Variants in AHNAK observed in about 807,000 individuals in gnomAD.
The protein encoded by AHNAK is neuroblast differentiation-associated protein AHNAK.
AHNAK carries 23 observed loss-of-function variants against 37.8 expected under a neutral mutation model. The observed-to-expected ratio is 0.61, with a 90% confidence interval of 0.44 to 0.86. The LOEUF is 0.86. Among genes scored for constraint, AHNAK ranks in the 40% least tolerant of loss-of-function variants. The pLI, the probability that AHNAK is intolerant of heterozygous loss-of-function variation, is 0.00. For synonymous variants in AHNAK, 2,481 were observed against 2,636.3 expected (o/e 0.94, Z 1.80); for missense variants, 7,411 against 7,319.4 (o/e 1.01, Z -0.46).
At position 62,521,231 on chromosome 11, in the gene AHNAK, C is replaced by T. The variant is rs749512459; in HGVS notation, c.13186G>A (p.Gly4396Ser). Reference sequence around the variant, plus strand: ...TCCACATCACCTTTCACTTTGGGACCCTTCAAGTTAAAGTCAATGTCAGGC... The same window carrying T: ...TCCACATCACCTTTCACTTTGGGACTCTTCAAGTTAAAGTCAATGTCAGGC... Reference protein sequence around the residue: ...SMPDIDFNLKGPKVKGDVDVS... With the variant: ...SMPDIDFNLKSPKVKGDVDVS... The change falls in exon 5 of 5, where the codon GGT becomes AGT. Residue 4396 changes from glycine (G) to serine (S), a missense_variant. Coordinates refer to ENST00000378024, the MANE Select transcript of AHNAK (RefSeq NM_001620.3). The T allele has an allele frequency of 1.4e-5, 22 of 1,613,980 alleles. No homozygotes were observed. In the East Asian group the frequency reaches 4.7e-4, roughly 34 times the overall value.
chr11:62,541,303 C>T (rs889381564), intron 1 of AHNAK, among the ~76,000 whole-genome samples: 7 of 152,200 alleles, frequency 4.6e-5, no homozygotes, highest in East Asian at 1.9e-4. Context: ...TCACCCCATC[C>T]GTGGTAGGGA....
Position 62,527,175 on chromosome 11 carries a change from G to T in AHNAK, c.7242C>A (p.Asp2414Glu). 1 of 1,611,174 alleles carries T rather than the reference G, an allele frequency of 6.2e-7. No individual in the cohort carries two copies. Among genetic ancestry groups the T allele is most frequent in the Non-Finnish European group, 8.5e-7 (1 of 1,178,860 alleles). Residue 2414 changes from aspartate to glutamate, a missense_variant, in exon 5 of 5, where the codon GAC becomes GAA. Transcript: ENST00000378024. ...TGACATCCACATGTGGCCCTTTAAGGTCCCCTTCCAATTTGGGAACATCTA... is the reference window on the plus strand; with the variant it reads ...TGACATCCACATGTGGCCCTTTAAGTTCCCCTTCCAATTTGGGAACATCTA... ...VDVDVPKLEG[D>E]LKGPHVDVSG...
rs201303995 is a variant in AHNAK, at chr11:62,532,471, T to G, written c.1946A>C (p.His649Pro). 1.1e-5 allele frequency: 18 copies of G among 1,614,156 alleles called. No homozygotes were observed. The South Asian group carries it at 1.8e-4, about 16-fold the overall frequency. The change falls in exon 5 of 5, where the codon CAT becomes CCT. Residue 649 changes from histidine (H) to proline (P), a missense_variant. His to Pro is a moderately conservative substitution (Grantham distance 77). Transcript: ENST00000378024. ...PGAKGEGPDV[H>P]MTLPKGDISI... ...GATATCTCCTTTGGGTAGAGTCATATGAACATCTGGACCTTCCCCTTTGGC... is the reference window on the plus strand; with the variant it reads ...GATATCTCCTTTGGGTAGAGTCATAGGAACATCTGGACCTTCCCCTTTGGC...
At chr11:62,476,104 C>T (rs1455763737) in intron 5 of AHNAK, among the ~76,000 whole-genome samples, 6 of 152,252 alleles carry the variant, frequency 3.9e-5, no homozygotes, top group Admixed American at 1.3e-4. Context: ...GCCCAGGAAC[C>T]GCTAATGAGC....
At chr11:62,478,659 G>T (rs1939198500) in intron 5 of AHNAK, among the ~76,000 whole-genome samples, 1 of 149,460 alleles carries the variant, frequency 6.7e-6, no homozygotes, top group Admixed American at 6.8e-5. Context: ...GAGGTGCGAG[G>T]ATCGCTTGAA....
Position 62,522,224 on chromosome 11 carries a change from T to C in AHNAK, c.12193A>G (p.Met4065Val). ...DWHLKMPKVK[M>V]PKFSMPGFKG... is the part of the protein sequence containing the mutation. ...AATCCTGGCATGCTGAATTTGGGCA[T>C]TTTCACCTTGGGCATCTTCAGGTGC... The change falls in exon 5 of 5, where the codon ATG becomes GTG. Residue 4065 changes from methionine (M) to valine (V), a missense_variant. Physicochemically the swap from Met to Val is conservative, Grantham distance 21 (BLOSUM62 1). Coordinates refer to ENST00000378024, the MANE Select transcript of AHNAK (RefSeq NM_001620.3). The C allele has an allele frequency of 6.2e-7, 1 of 1,612,668 alleles. No individual in the cohort carries two copies. The highest frequency in any genetic ancestry group is 8.5e-7 in the Non-Finnish European group (1 of 1,179,744).
chr11:62,543,437 T>C (rs2509961), intron 1 of AHNAK, among the ~76,000 whole-genome samples: 46,886 of 151,986 alleles, frequency 0.31, 7,644 homozygotes, highest in Non-Finnish European at 0.37. Flanking sequence ...ATGACACACA[T>C]CTCACTCAGA....
At position 62,530,115 on chromosome 11, in the gene AHNAK, T is replaced by G. The variant is rs764088138; in HGVS notation, c.4302A>C (p.Leu1434=). The G allele has an allele frequency of 6.2e-7, 1 of 1,614,174 alleles. No individual in the cohort carries two copies. Among genetic ancestry groups the G allele is most frequent in the Non-Finnish European group, 8.5e-7 (1 of 1,180,010 alleles). ...DVNIEGPDAK[L]KGPKFKMPEM... is the part of the protein sequence containing the mutation. Reference sequence around the variant, plus strand: ...CTGGCATCTTGAATTTGGGACCTTTTAGTTTTGCGTCTGGACCTTCAATAT... The same window carrying G: ...CTGGCATCTTGAATTTGGGACCTTTGAGTTTTGCGTCTGGACCTTCAATAT... Residue 1434 remains leucine (L), a synonymous_variant, in exon 5 of 5, where the codon CTA becomes CTC. Transcript: ENST00000378024.
At chr11:62,467,753 T>C (rs974755422) in intron 5 of AHNAK, among the ~76,000 whole-genome samples, 4 of 152,132 alleles carry the variant, frequency 2.6e-5, no homozygotes, top group African/African-American at 9.7e-5. Context: ...ATCTTAGCTG[T>C]GATTGGTTTG....
rs141750211 is a variant in AHNAK at position 62,528,032 on chromosome 11, G to A, written c.6385C>T (p.Pro2129Ser). 71 of 1,613,650 alleles carry A rather than the reference G, an allele frequency of 4.4e-5. No individual in the cohort carries two copies. The African/African-American group carries it at 9.0e-4, about 20-fold the overall frequency. The change falls in exon 5 of 5, where the codon CCC (proline) becomes TCC (serine). Residue 2129 changes from proline to serine, a missense_variant. Pro to Ser is a moderately conservative substitution (Grantham distance 74, BLOSUM62 -1). Transcript: ENST00000378024. ...MPDVDLHLKG[P>S]KVKGDVDVSL... The stretch of plus-strand genomic sequence containing the variant: ...ACATCCACATCCCCTTTGACTTTGG[G>A]GCCTTTCAAGTGTAAGTCCACATCA...
intron 5 of AHNAK, among the ~76,000 whole-genome samples, chr11:62,455,212 C>T (rs1012219539): frequency 3.3e-5 from 5 of 151,358 alleles, no homozygotes; most frequent in Admixed American, 6.6e-5. Flanking sequence ...GGATTACAGG[C>T]ATGAGCCACC....
rs139270372 is a variant in AHNAK at position 62,444,981 on chromosome 11, C to A, written c.443-11090G>T. Among the ~76,000 whole-genome samples, 87 of 152,360 alleles carry A rather than the reference C, an allele frequency of 5.7e-4. No individual in the cohort carries two copies. In the East Asian group the frequency reaches 0.014, roughly 25 times the overall value. On this transcript the variant is annotated intron_variant, in intron 5 of 5. Transcript: ENST00000257247. ...CCTCGCCCATTACCAACACTACCTC[C>A]TCCAACAACACAGGAGACGTGCATG... is the stretch of plus-strand genomic sequence containing the variant.
At position 62,529,279 on chromosome 11, in the gene AHNAK, G is replaced by C; in HGVS notation, c.5138C>G (p.Pro1713Arg). 1 of 1,614,080 alleles carries C rather than the reference G, an allele frequency of 6.2e-7. No homozygotes were observed. The highest frequency in any genetic ancestry group is 8.5e-7 in the Non-Finnish European group (1 of 1,180,024). Residue 1713 changes from proline to arginine, a missense_variant, in exon 5 of 5, where the codon CCC becomes CGC. By Grantham distance (103) the Pro-to-Arg change is moderately radical. Transcript: ENST00000378024. ...ACTGAACTTGGGCATTTTCATCTTG[G>C]GCATTTTCAGGTGCCAATCTGGGTC... ...VHDPDWHLKM[P>R]KMKMPKFSMP... is the part of the protein sequence containing the mutation.
At chr11:62,496,592 C>T (rs1325647545) in intron 4 of AHNAK, among the ~76,000 whole-genome samples, 1 of 152,030 alleles carries the variant, frequency 6.6e-6, no homozygotes. Context: ...GTCAGGAGTT[C>T]GAGACCAGCC....
In AHNAK at chr11:62,518,167, C is replaced by A. The variant is rs1226980868; in HGVS notation, c.16250G>T (p.Gly5417Val). The A allele has an allele frequency of 2.5e-6, 4 of 1,614,036 alleles. No homozygotes were observed. The highest frequency in any genetic ancestry group is 3.4e-6 in the Non-Finnish European group (4 of 1,180,046). ...KLPQFGISTP[G>V]SDLHVNAKGP... is the part of the protein sequence containing the mutation. ...CTTGGCATTGACGTGCAAGTCGGACCCCGGAGTAGAGATGCCAAATTGGGG... is the reference window on the plus strand; with the variant it reads ...CTTGGCATTGACGTGCAAGTCGGACACCGGAGTAGAGATGCCAAATTGGGG... The change falls in exon 5 of 5, where the codon GGG becomes GTG. Residue 5417 changes from glycine (G) to valine (V), a missense_variant. Gly to Val is a moderately radical substitution (Grantham distance 109). Transcript: ENST00000378024.
At position 62,546,778 on chromosome 11, in the gene AHNAK, T is replaced by C. The variant is rs958840548; in HGVS notation, c.-218A>G. The stretch of plus-strand genomic sequence containing the variant: ...GGGTCTGGCAGGGCGGGCGGTGCAG[T>C]CCCCGCGGCAGAGCAGCTCCGAGTG... On this transcript the variant is annotated 5_prime_UTR_variant, in exon 1 of 5. Coordinates refer to ENST00000378024, the MANE Select transcript of AHNAK (RefSeq NM_001620.3). The C allele has an allele frequency of 2.6e-5, 4 of 152,664 alleles. No individual in the cohort carries two copies. The highest frequency in any genetic ancestry group is 2.6e-4 in the Admixed American group (4 of 15,294). The allele number at this position is 152,664 out of a possible 1,614,324, so 9.5% of individuals were successfully genotyped here.
At chr11:62,492,789 G>A (rs1366351916) in intron 4 of AHNAK, among the ~76,000 whole-genome samples, 1 of 150,988 alleles carries the variant, frequency 6.6e-6, no homozygotes, top group Non-Finnish European at 1.5e-5. Flanking sequence ...GAGGCAGGAG[G>A]ACTGCCTGAG....
chr11:62,454,706 G>A (rs1399340935), intron 5 of AHNAK, among the ~76,000 whole-genome samples: 1 of 152,036 alleles, frequency 6.6e-6, no homozygotes, highest in Admixed American at 6.6e-5. Context: ...GCGATGGGGA[G>A]AAGAGTGGGA....
In AHNAK at chr11:62,519,515, G is replaced by T; in HGVS notation, c.14902C>A (p.Pro4968Thr). The change falls in exon 5 of 5, where the codon CCA (proline) becomes ACA (threonine). Residue 4968 changes from proline to threonine, a missense_variant. Transcript: ENST00000378024. The part of the protein sequence containing the change: ...MDSPDINIEG[P>T]DVKIPKFKKP... Reference sequence around the variant, plus strand: ...TTAAATTTGGGGATTTTAACATCTGGCCCTTCGATGTTAATATCTGGGCTG... The same window carrying T: ...TTAAATTTGGGGATTTTAACATCTGTCCCTTCGATGTTAATATCTGGGCTG... 1 of 1,612,906 alleles carries T rather than the reference G, an allele frequency of 6.2e-7. No homozygotes were observed.
Sources: gnomAD v4.1 joint callset for allele counts (sites outside exome capture counted in the v4.1 genomes callset) on GRCh38, gnomAD v4.1.1 for gene constraint, MANE v1.5 for transcripts, NCBI Gene and HGNC (gene_info 2026-07-23, HGNC 2026-07-21) for gene names.